UBXN7: variants seen among roughly 807,000 people sequenced by gnomAD.
The protein encoded by UBXN7 is UBX domain-containing protein 7.
In UBXN7, 9 loss-of-function variants were observed where a neutral mutation model predicts 58.0. The ratio of observed to expected loss-of-function variants is 0.16; its 90% confidence interval spans 0.09 to 0.27. The LOEUF (loss-of-function observed/expected upper bound fraction) is 0.27, where lower values mean the gene tolerates loss of function less well. Among genes scored for constraint, UBXN7 ranks in the 10% least tolerant of loss-of-function variants. UBXN7 has a pLI of 1.00. For synonymous variants in UBXN7, 208 were observed against 205.0 expected, an observed-to-expected ratio of 1.01 and a Z score of -0.12; for missense variants, 328 against 599.6, an observed-to-expected ratio of 0.55 and a Z score of 4.73.
At chr3:196,365,275 A>T (rs1728632827) in intron 8 of UBXN7, among the ~76,000 whole-genome samples, 1 of 150,858 alleles carries the variant, frequency 6.6e-6, no homozygotes, top group Admixed American at 6.6e-5. Flanking sequence ...AAGAGTATAC[A>T]TCCAGGAAAA....
At chr3:196,395,635 T>G (rs964625397) in intron 3 of UBXN7, among the ~76,000 whole-genome samples, 12 of 151,990 alleles carry the variant, frequency 7.9e-5, no homozygotes, top group African/African-American at 1.4e-4. Context: ...TTGTTTGTTT[T>G]TTTAAGAGAC....
chr3:196,351,904 T>A lies in UBXN7; in HGVS notation c.*4781A>T, dbSNP rs893041125. ...GTGTGCAAGTAAGATTCCTGCGAGC[T>A]AGGAATCTTTACTCCGGGGGATCAA... On this transcript the variant is annotated 3_prime_UTR_variant, in exon 11 of 11. Coordinates refer to ENST00000296328, the MANE Select transcript of UBXN7 (RefSeq NM_015562.2). 6.6e-6 allele frequency: 1 copy of A among 152,194 alleles called. No homozygotes were observed. Among genetic ancestry groups the A allele is most frequent in the Non-Finnish European group, 1.5e-5 (1 of 68,032 alleles). 9.4% of individuals were successfully genotyped at this position (152,194 alleles called of 1,614,324 possible).
intron 3 of UBXN7, chr3:196,397,593 C>T (rs1374717422): frequency 1.3e-5 from 2 of 152,228 alleles, no homozygotes; most frequent in Non-Finnish European, 2.9e-5. Context: ...GCACCTGCTC[C>T]GTTTCCTCTT....
intron 3 of UBXN7, among the ~76,000 whole-genome samples, chr3:196,398,078 CA>C (rs1213441078): frequency 1.3e-5 from 2 of 152,166 alleles, no homozygotes; most frequent in Non-Finnish European, 2.9e-5. Flanking sequence ...GATTACGTTA[CA>C]AAAAGACAGT....
intron 9 of UBXN7, 89 bp from the exon 10 acceptor site, chr3:196,362,012 G>T: frequency 7.8e-7 from 1 of 1,284,000 alleles, no homozygotes; most frequent in South Asian, 1.3e-5. Context: ...AATAAATACA[G>T]CCATTCAGCA....
At position 196,391,292 on chromosome 3, in the gene UBXN7, A is replaced by T. The variant is rs138951041; in HGVS notation, c.468+521T>A. On this transcript the variant is annotated intron_variant, in intron 5 of 10. Transcript: ENST00000296328. ...CTAATAAAAGGATTTCATCAATCTCATATACTGCTGGTAGAAATATATTTC... is the reference window on the plus strand; with the variant it reads ...CTAATAAAAGGATTTCATCAATCTCTTATACTGCTGGTAGAAATATATTTC... 3.4e-3 allele frequency among the ~76,000 whole-genome samples: 512 copies of T among 152,282 alleles called. 6 individuals carry two copies. Among genetic ancestry groups the T allele is most frequent in the African/African-American group, 0.011 (476 of 41,550 alleles).
rs1188810179 is a variant in UBXN7 at position 196,350,068 on chromosome 3, G to A, written c.*6617C>T. 6.6e-6 allele frequency: 1 copy of A among 152,206 alleles called. No individual in the cohort carries two copies. The highest frequency in any genetic ancestry group is 2.4e-5 in the African/African-American group (1 of 41,452). 9.4% of individuals were successfully genotyped at this position (152,206 alleles called of 1,614,324 possible). A position where few individuals can be genotyped will look rare whatever the true frequency, so the allele number is the denominator to read the frequency against. Reference sequence around the variant, plus strand: ...ACTTCTCATATTTATAGATTAATCTGTGATTGCTCTTGGGAAAAATACTAT... The same window carrying A: ...ACTTCTCATATTTATAGATTAATCTATGATTGCTCTTGGGAAAAATACTAT... On this transcript the variant is annotated 3_prime_UTR_variant, in exon 11 of 11. Coordinates refer to ENST00000296328, the MANE Select transcript of UBXN7 (RefSeq NM_015562.2).
chr3:196,398,636 T>G (rs917819606), intron 3 of UBXN7, among the ~76,000 whole-genome samples: 9 of 152,196 alleles, frequency 5.9e-5, no homozygotes, highest in Non-Finnish European at 1.2e-4. Flanking sequence ...AAAGCTCTTT[T>G]GTAATTTATC....
intron 10 of UBXN7, among the ~76,000 whole-genome samples, chr3:196,361,306 G>A (rs1577431632): frequency 6.6e-6 from 1 of 152,208 alleles, no homozygotes; most frequent in Non-Finnish European, 1.5e-5. Context: ...GATGAGCAAA[G>A]AAAGTGATTT....
chr3:196,425,727 G>T (rs903153485), intron 1 of UBXN7, among the ~76,000 whole-genome samples: 6 of 152,034 alleles, frequency 3.9e-5, no homozygotes, highest in Non-Finnish European at 5.9e-5. Flanking sequence ...TAAACCGATT[G>T]TCTCCCCTCT....
chr3:196,361,346 T>A (rs1728499992), intron 10 of UBXN7, among the ~76,000 whole-genome samples: 1 of 152,238 alleles, frequency 6.6e-6, no homozygotes, highest in East Asian at 1.9e-4. Flanking sequence ...CTGCTGAAGA[T>A]GCTTTTAACA....
chr3:196,392,460 G>GC (rs1383742122), intron 4 of UBXN7, among the ~76,000 whole-genome samples: 2 of 150,720 alleles, frequency 1.3e-5, no homozygotes, highest in African/African-American at 4.9e-5. Context: ...AGCAGAGATC[G>GC]CGCCACTGCA....
At chr3:196,414,530 C>G (rs1730422660) in intron 1 of UBXN7, 1 of 152,180 alleles carries the variant, frequency 6.6e-6, no homozygotes. Flanking sequence ...TGTACCATTC[C>G]CTTCAGCCAC....
In UBXN7 at chr3:196,348,643, C is replaced by A. The variant is rs527544600; in HGVS notation, c.*8042G>T. 1.3e-5 allele frequency: 2 copies of A among 152,236 alleles called. No individual in the cohort carries two copies. Among genetic ancestry groups the A allele is most frequent in the Admixed American group, 6.5e-5 (1 of 15,278 alleles). The allele number at this position is 152,236 out of a possible 1,614,324, so 9.4% of individuals were successfully genotyped here. A position where few individuals can be genotyped will look rare whatever the true frequency, so the allele number is the denominator to read the frequency against. ...ATACCCCAAGTTGACTTCACTCAAG[C>A]CCCCAACCCACCCTCATCATCCCTA... On this transcript the variant is annotated 3_prime_UTR_variant, in exon 11 of 11. Coordinates refer to ENST00000296328, the MANE Select transcript of UBXN7 (RefSeq NM_015562.2).
chr3:196,414,244 C>CAA (rs1730415947), intron 1 of UBXN7, among the ~76,000 whole-genome samples: 2 of 152,174 alleles, frequency 1.3e-5, no homozygotes, highest in South Asian at 4.1e-4. Context: ...CTTGGCCTCC[C>CAA]AAAGTGCTGA....
intron 1 of UBXN7, among the ~76,000 whole-genome samples, chr3:196,417,039 C>A (rs1426189483): frequency 6.6e-6 from 1 of 152,130 alleles, no homozygotes; most frequent in Non-Finnish European, 1.5e-5. Flanking sequence ...TACACACAGG[C>A]GCGGCGGCTC....
Position 196,368,059 on chromosome 3 carries a change from G to C in UBXN7, c.803C>G (p.Ser268Cys), listed in dbSNP as rs781013143. Residue 268 changes from serine to cysteine, a missense_variant, in exon 8 of 11, where the codon TCT (serine) becomes TGT (cysteine). Transcript: ENST00000296328. ...GGCACATTTTTTGGGGGGACTGCTA[G>C]AAAGTCCATCCAGTTGTCCATGTTC... ...LGEHGQLDGLSSSPPKKCARS... is the reference protein window; with the variant it reads ...LGEHGQLDGLCSSPPKKCARS... 34 of 1,613,772 alleles carry C rather than the reference G, an allele frequency of 2.1e-5. No homozygotes were observed. In the East Asian group the frequency reaches 7.6e-4, roughly 36 times the overall value.
intron 8 of UBXN7, among the ~76,000 whole-genome samples, chr3:196,363,593 G>T (rs115063782): frequency 0.011 from 1,748 of 152,166 alleles, 43 homozygotes; most frequent in African/African-American, 0.04. Context: ...GCAAGGAAAA[G>T]TTCTTGAAGG....
chr3:196,431,749 T>C, intron 1 of UBXN7: 1 of 448,940 alleles, frequency 2.2e-6, no homozygotes. Context: ...TGGCGGCCTG[T>C]CCCCCGTGAA....
Sources: allele counts gnomAD v4.1 joint callset (sites outside exome capture counted in the v4.1 genomes callset), GRCh38; gene constraint gnomAD v4.1.1; transcripts MANE v1.5; gene names NCBI Gene and HGNC (gene_info 2026-07-23, HGNC 2026-07-21).